The following CMSS1 variants were observed in gnomAD, a reference collection of about 807,000 sequenced individuals.
CMSS1 encodes protein CMSS1.
A neutral mutation model predicts 43.5 loss-of-function variants in CMSS1; 33 were observed. The ratio of observed to expected loss-of-function variants is 0.76; its 90% confidence interval spans 0.57 to 1.01. The LOEUF (loss-of-function observed/expected upper bound fraction) is 1.01, where lower values mean the gene tolerates loss of function less well. CMSS1 is among the 50% of genes least tolerant of loss of function. The probability of loss-of-function intolerance (pLI) is 0.00; values close to 1 mark genes in which losing one functional copy is unlikely to be tolerated. For missense variants in CMSS1, 313 were observed against 326.4 expected (o/e 0.96, Z 0.32); for synonymous variants, 115 against 117.2 (o/e 0.98, Z 0.12).
chr3:100,121,419 C>T (rs2066618906), intron 1 of CMSS1, among the ~76,000 whole-genome samples: 3 of 152,154 alleles, frequency 2.0e-5, no homozygotes, highest in African/African-American at 7.2e-5. Context: ...AGGACATGAA[C>T]TCATCCTTTT....
At chr3:99,901,428 T>C (rs1706432308) in intron 1 of CMSS1, among the ~76,000 whole-genome samples, 1 of 152,198 alleles carries the variant, frequency 6.6e-6, no homozygotes, top group African/African-American at 2.4e-5. Flanking sequence ...ACAATGCACT[T>C]TTGTAATTTT....
At chr3:100,084,947 C>A (rs1203467020) in intron 1 of CMSS1, among the ~76,000 whole-genome samples, 1 of 152,190 alleles carries the variant, frequency 6.6e-6, no homozygotes, top group Non-Finnish European at 1.5e-5. Context: ...CAAAAATTAT[C>A]TTATAATGCA....
intron 1 of CMSS1, among the ~76,000 whole-genome samples, chr3:99,821,074 TTGTC>T (rs773731362): frequency 1.3e-5 from 2 of 152,230 alleles, no homozygotes; most frequent in Non-Finnish European, 2.9e-5. Context: ...TATCTGTTTG[TTGTC>T]TGTCTAAGGA....
At chr3:99,855,188 C>A (rs1031966198) in intron 1 of CMSS1, among the ~76,000 whole-genome samples, 8 of 152,172 alleles carry the variant, frequency 5.3e-5, no homozygotes, top group African/African-American at 1.9e-4. Flanking sequence ...CATGACCACC[C>A]ATTTTTTTCA....
At chr3:100,116,393 A>G (rs1423988338) in intron 1 of CMSS1, among the ~76,000 whole-genome samples, 1 of 152,160 alleles carries the variant, frequency 6.6e-6, no homozygotes, top group Non-Finnish European at 1.5e-5. Flanking sequence ...TTAATGCTCA[A>G]ATGATCTCAG....
intron 1 of CMSS1, among the ~76,000 whole-genome samples, chr3:99,939,457 G>T (rs1576587992): frequency 6.6e-6 from 1 of 152,128 alleles, no homozygotes; most frequent in East Asian, 1.9e-4. Flanking sequence ...ACACCACCTA[G>T]TTTCAGTCTC....
intron 1 of CMSS1, among the ~76,000 whole-genome samples, chr3:100,079,347 C>G (rs925265859): frequency 6.6e-6 from 1 of 152,174 alleles, no homozygotes; most frequent in Non-Finnish European, 1.5e-5. Flanking sequence ...GGATGGATGG[C>G]AAAGAATTTG....
intron 1 of CMSS1, among the ~76,000 whole-genome samples, chr3:99,820,052 C>A (rs1942404618): frequency 6.6e-6 from 1 of 152,068 alleles, no homozygotes; most frequent in South Asian, 2.1e-4. Flanking sequence ...CGTGCCTGGC[C>A]CCCAACAGTT....
At chr3:100,105,216 G>A (rs2066374396) in intron 1 of CMSS1, among the ~76,000 whole-genome samples, 1 of 152,150 alleles carries the variant, frequency 6.6e-6, no homozygotes, top group Non-Finnish European at 1.5e-5. Context: ...AGTAGATAAT[G>A]TATTCTCCTA....
At position 99,938,074 on chromosome 3, in the gene CMSS1, T is replaced by TGC. The variant is rs57534383; in HGVS notation, c.64+120047_64+120048dup. On this transcript the variant is annotated intron_variant, in intron 1 of 9. Transcript: ENST00000421999. ...AAGTGTGTGTGTGTGTGTGTGTGTG[T>TGC]GCGCGCGCGCGCGCGCGTGCATGCA... Among the ~76,000 whole-genome samples, 495 of 85,258 alleles carry TGC rather than the reference T, an allele frequency of 5.8e-3. 2 individuals are homozygous for TGC. The highest frequency in any genetic ancestry group is 0.01 in the Admixed American group (89 of 8,636). The allele number at this position is 85,258 out of a possible 152,430, so 55.9% of individuals were successfully genotyped here.
rs560479745 is a variant in CMSS1, at chr3:100,111,035, A to G, written c.65-35938A>G. On this transcript the variant is annotated intron_variant, in intron 1 of 9. Coordinates refer to ENST00000421999, the MANE Select transcript of CMSS1 (RefSeq NM_032359.4). ...TAATTTTTTATTTCATTACAATAAT[A>G]GGAGTCAATTCAGAGCTTTACAGCC... 2.6e-5 allele frequency among the ~76,000 whole-genome samples: 4 copies of G among 152,328 alleles called. No homozygotes were observed. The South Asian group carries it at 6.2e-4, about 24-fold the overall frequency.
chr3:99,865,839 A>G (rs1259425409), intron 1 of CMSS1, among the ~76,000 whole-genome samples: 2 of 151,878 alleles, frequency 1.3e-5, no homozygotes, highest in Non-Finnish European at 2.9e-5. Context: ...ATTGCTCACA[A>G]TCCATTTATA....
intron 1 of CMSS1, among the ~76,000 whole-genome samples, chr3:100,024,012 C>T (rs960049812): frequency 2.0e-5 from 3 of 152,160 alleles, no homozygotes. Context: ...TTCACTCCCC[C>T]TTCAGCTGAC....
intron 1 of CMSS1, among the ~76,000 whole-genome samples, chr3:100,126,304 T>A (rs1164428546): frequency 1.3e-5 from 2 of 152,256 alleles, no homozygotes; most frequent in Admixed American, 1.3e-4. Flanking sequence ...CATCTTTGAA[T>A]GCCTAGTTTT....
At chr3:99,982,160 C>A (rs745843284) in intron 1 of CMSS1, among the ~76,000 whole-genome samples, 4 of 151,730 alleles carry the variant, frequency 2.6e-5, no homozygotes, top group African/African-American at 7.3e-5. Context: ...CTATATATTT[C>A]GGTATATGTA....
intron 1 of CMSS1, among the ~76,000 whole-genome samples, chr3:100,011,470 A>G (rs374703245): frequency 3.2e-4 from 48 of 152,300 alleles, no homozygotes; most frequent in African/African-American, 1.2e-3. Context: ...TCTTCCTCCA[A>G]AATGGAGTTG....
chr3:99,825,775 C>CTTTTTTTTTTTTTTT (rs897686337), intron 1 of CMSS1, among the ~76,000 whole-genome samples: 57 of 121,554 alleles, frequency 4.7e-4, no homozygotes, highest in Non-Finnish European at 6.7e-4. Flanking sequence ...TTTTCTTTTT[C>CTTTTTTTTTTTTTTT]TTTTTTTTTT....
chr3:100,061,538 A>G (rs1452274750), intron 1 of CMSS1, among the ~76,000 whole-genome samples: 1 of 152,250 alleles, frequency 6.6e-6, no homozygotes, highest in Non-Finnish European at 1.5e-5. Context: ...GAAAAGAAGA[A>G]GAGAAAGAAG....
At chr3:99,960,084 C>T (rs1056440981) in intron 1 of CMSS1, among the ~76,000 whole-genome samples, 2 of 152,150 alleles carry the variant, frequency 1.3e-5, no homozygotes, top group Non-Finnish European at 2.9e-5. Context: ...AATGTTATAA[C>T]GATTGGCTCC....
Sources: gnomAD v4.1 joint callset for allele counts (sites outside exome capture counted in the v4.1 genomes callset) on GRCh38, gnomAD v4.1.1 for gene constraint, MANE v1.5 for transcripts, NCBI Gene and HGNC (gene_info 2026-07-23, HGNC 2026-07-21) for gene names.